Variants in RYR2 observed in about 807,000 individuals in gnomAD.
RYR2 encodes the protein ryanodine receptor 2.
RYR2 carries 227 observed loss-of-function variants against 601.1 expected under a neutral mutation model. The ratio of observed to expected loss-of-function variants is 0.38; its 90% confidence interval spans 0.34 to 0.42. RYR2 has a LOEUF of 0.42. RYR2 is among the 10% of genes least tolerant of loss of function. The pLI is 1.00. For missense variants in RYR2, 4,646 were observed against 6,156.5 expected (o/e 0.75, Z 8.21); for synonymous variants, 2,223 against 2,175.1 (o/e 1.02, Z -0.61).
At chr1:237,192,999 T>A (rs1165664518) in intron 1 of RYR2, among the ~76,000 whole-genome samples, 1 of 151,918 alleles carries the variant, frequency 6.6e-6, no homozygotes, top group Non-Finnish European at 1.5e-5. Context: ...GGAGTTTCTC[T>A]AAAAATTACC....
chr1:237,796,865 A>G (rs10925509), intron 96 of RYR2, among the ~76,000 whole-genome samples: 6,924 of 151,948 alleles, frequency 0.046, 191 homozygotes, highest in East Asian at 0.079. Context: ...GCTCACTGCA[A>G]TCTCCACCTC....
intron 100 of RYR2, among the ~76,000 whole-genome samples, chr1:237,812,298 C>A (rs1661336966): frequency 6.6e-6 from 1 of 152,146 alleles, no homozygotes; most frequent in African/African-American, 2.4e-5. Flanking sequence ...ACCAGGCACT[C>A]GTTAAGGATA....
chr1:237,158,712 G>A (rs1361116), intron 1 of RYR2, among the ~76,000 whole-genome samples: 2 of 151,936 alleles, frequency 1.3e-5, no homozygotes, highest in African/African-American at 2.4e-5. Flanking sequence ...CAAGAATCAC[G>A]TCCAGGTTTC....
intron 9 of RYR2, among the ~76,000 whole-genome samples, chr1:237,387,772 A>C (rs1702059014): frequency 6.6e-6 from 1 of 152,216 alleles, no homozygotes; most frequent in African/African-American, 2.4e-5. Flanking sequence ...TTCCTAGGGA[A>C]ATATCTGTAT....
At chr1:237,536,346 C>T (rs548050832) in intron 25 of RYR2, among the ~76,000 whole-genome samples, 1 of 152,098 alleles carries the variant, frequency 6.6e-6, no homozygotes, top group African/African-American at 2.4e-5. Context: ...CCGAGGCAGG[C>T]GGATCACAAG....
chr1:237,110,924 G>A (rs1402035481), intron 1 of RYR2, among the ~76,000 whole-genome samples: 5 of 152,220 alleles, frequency 3.3e-5, no homozygotes, highest in Admixed American at 2.6e-4. Flanking sequence ...GAGGTCAATT[G>A]TGAAGTCCCC....
Position 237,610,525 on chromosome 1 carries a change from C to G in RYR2, c.4684-237C>G, listed in dbSNP as rs1190653026. Reference sequence around the variant, plus strand: ...CATTCAGTATATGGGAAAGACACATCCCGAAACCTGTTTGACTGCCCGGAA... The same window carrying G: ...CATTCAGTATATGGGAAAGACACATGCCGAAACCTGTTTGACTGCCCGGAA... On this transcript the variant is annotated intron_variant, in intron 35 of 104. Coordinates refer to ENST00000366574, the MANE Select transcript of RYR2 (RefSeq NM_001035.3). The surrounding 1 kb of genome is among the most constrained non-coding windows in gnomAD (Gnocchi z 4.9). Among the ~76,000 whole-genome samples the G allele has an allele frequency of 6.6e-6, 1 of 152,156 alleles. No homozygotes were observed. Among genetic ancestry groups the G allele is most frequent in the East Asian group, 1.9e-4 (1 of 5,184 alleles).
At chr1:237,284,412 C>T (rs1351432789) in intron 2 of RYR2, among the ~76,000 whole-genome samples, 1 of 138,862 alleles carries the variant, frequency 7.2e-6, no homozygotes. Flanking sequence ...CCAGTCTCAT[C>T]CAGGTCACTG....
At chr1:237,685,421 A>G (rs907304811) in intron 62 of RYR2, among the ~76,000 whole-genome samples, 3 of 152,192 alleles carry the variant, frequency 2.0e-5, no homozygotes, top group Non-Finnish European at 4.4e-5. Flanking sequence ...GGCATTACAT[A>G]TAATTTGATA....
intron 10 of RYR2, among the ~76,000 whole-genome samples, chr1:237,400,503 A>AGCTT (rs1703257468): frequency 1.3e-5 from 2 of 152,284 alleles, no homozygotes; most frequent in East Asian, 3.9e-4. Context: ...CTAGCAAGCA[A>AGCTT]ATTGGTCCTG....
chr1:237,669,227 A>G (rs1327544940), intron 58 of RYR2, among the ~76,000 whole-genome samples: 2 of 150,990 alleles, frequency 1.3e-5, no homozygotes, highest in African/African-American at 4.8e-5. Context: ...CCAAGGCAGA[A>G]GAATTTTTCT....
intron 1 of RYR2, among the ~76,000 whole-genome samples, chr1:237,200,482 C>T (rs1681072528): frequency 6.6e-6 from 1 of 152,196 alleles, no homozygotes; most frequent in South Asian, 2.1e-4. Flanking sequence ...CCAGGCTGGT[C>T]TTGAACTCCT....
At chr1:237,358,344 C>T (rs537890068) in intron 4 of RYR2, among the ~76,000 whole-genome samples, 1 of 151,928 alleles carries the variant, frequency 6.6e-6, no homozygotes, top group Non-Finnish European at 1.5e-5. Context: ...TCTTGCTTGC[C>T]CCGCCGGGTT....
At chr1:237,515,840 C>CTTCCTCCCTCTT (rs1666445868) in intron 24 of RYR2, among the ~76,000 whole-genome samples, 1 of 135,072 alleles carries the variant, frequency 7.4e-6, no homozygotes, top group Non-Finnish European at 1.6e-5. Context: ...TCCCTCTTCT[C>CTTCCTCCCTCTT]CTCCTCCCTC....
chr1:237,390,885 G>C (rs1170737233), intron 10 of RYR2, among the ~76,000 whole-genome samples: 1 of 152,110 alleles, frequency 6.6e-6, no homozygotes, highest in Non-Finnish European at 1.5e-5. Flanking sequence ...ATGGTGGTAA[G>C]AACGCGTTTG....
chr1:237,611,299 C>T (rs768819395), intron 36 of RYR2, among the ~76,000 whole-genome samples: 4 of 152,032 alleles, frequency 2.6e-5, no homozygotes, highest in African/African-American at 7.2e-5. Context: ...AACTGCAATC[C>T]GACTTATGAC....
intron 1 of RYR2, among the ~76,000 whole-genome samples, chr1:237,232,415 G>A (rs1685098199): frequency 6.6e-6 from 1 of 152,188 alleles, no homozygotes; most frequent in Admixed American, 6.6e-5. Context: ...ACATGGGGGA[G>A]TGGAAGTTTC....
At chr1:237,781,684 C>CTTAT (rs1477835700) in intron 89 of RYR2, 38 bp downstream of exon 89, 3 of 1,113,298 alleles carry the variant, frequency 2.7e-6, no homozygotes, top group African/African-American at 3.1e-5. Flanking sequence ...TCTTTATTAT[C>CTTAT]TTATTTAAAG....
At chr1:237,098,446 T>C (rs1667722610) in intron 1 of RYR2, among the ~76,000 whole-genome samples, 1 of 151,776 alleles carries the variant, frequency 6.6e-6, no homozygotes, top group Non-Finnish European at 1.5e-5. Flanking sequence ...AGATGTACTG[T>C]CTTAGCAAAT....
Sources: gnomAD v4.1 joint callset for allele counts (sites outside exome capture counted in the v4.1 genomes callset) on GRCh38, gnomAD v4.1.1 for gene constraint, Gnocchi (gnomAD v3.1) non-coding constraint, MANE v1.5 for transcripts, NCBI Gene and HGNC (gene_info 2026-07-23, HGNC 2026-07-21) for gene names.